GTF2F1: variants seen among roughly 807,000 people sequenced by gnomAD.
The protein encoded by GTF2F1 is general transcription factor IIF 74 kDa subunit.
In GTF2F1, 39 loss-of-function variants were observed where a neutral mutation model predicts 63.5. The ratio of observed to expected loss-of-function variants is 0.61; its 90% CI spans 0.48 to 0.80. The LOEUF (loss-of-function observed/expected upper bound fraction) is 0.80, where lower values mean the gene tolerates loss of function less well. GTF2F1 is among the 30% of genes least tolerant of loss of function. GTF2F1 has a pLI of 0.00. For missense variants in GTF2F1, 657 were observed against 718.3 expected, an observed-to-expected ratio of 0.91 and a Z score of 0.97; for synonymous variants, 287 against 285.3, an observed-to-expected ratio of 1.01 and a Z score of -0.06.
chr19:6,387,421 G>C lies in GTF2F1; in HGVS notation c.465C>G (p.Leu155=), dbSNP rs1323559825. The C allele has an allele frequency of 6.2e-7, 1 of 1,614,240 alleles. No individual in the cohort carries two copies. Among genetic ancestry groups the C allele is most frequent in the Non-Finnish European group, 8.5e-7 (1 of 1,180,032 alleles). The part of the protein sequence containing the change: ...NFTPLARHRT[L]TAEEAEEEWE... Reference sequence around the variant, plus strand: ...ACTCCTCCTCGGCCTCCTCGGCAGTGAGCGTGCGATGCCGGGCCAGCGGTG... The same window carrying C: ...ACTCCTCCTCGGCCTCCTCGGCAGTCAGCGTGCGATGCCGGGCCAGCGGTG... The change falls in exon 5 of 13, where the codon CTC becomes CTG. Residue 155 remains leucine (L), a synonymous_variant. Coordinates refer to ENST00000394456, the MANE Select transcript of GTF2F1 (RefSeq NM_002096.3).
chr19:6,385,584 C>G (rs775131670), intron 5 of GTF2F1, among the ~76,000 whole-genome samples: 85 of 152,142 alleles, frequency 5.6e-4, no homozygotes, highest in Non-Finnish European at 9.6e-4. Flanking sequence ...CAGTGGAGCC[C>G]CAGGAACTCA....
At chr19:6,392,052 C>G in intron 2 of GTF2F1, 78 bp from the exon 3 acceptor site, 1 of 763,374 alleles carries the variant, frequency 1.3e-6, no homozygotes, top group Non-Finnish European at 2.3e-6. Flanking sequence ...TGCTATTGAA[C>G]CATTAATTCA....
chr19:6,383,427 T>C lies in GTF2F1; in HGVS notation c.566A>G (p.Glu189Gly), dbSNP rs751837295. 1.9e-6 allele frequency: 3 copies of C among 1,614,112 alleles called. No individual in the cohort carries two copies. In the East Asian group the frequency reaches 6.7e-5, roughly 36 times the overall value. The change falls in exon 6 of 13, where the codon GAG (glutamate) becomes GGG (glycine). Residue 189 changes from glutamate (E) to glycine (G), a missense_variant. By Grantham distance (98) the Glu-to-Gly change is moderately conservative (BLOSUM62 -2). Transcript: ENST00000394456. The surrounding 1 kb of genome is among the most constrained non-coding windows in gnomAD (Gnocchi z 4.5). ...QRRLKDQDQD[E>G]DEEEKEKRGR... ...ACGTTTCTCCTTCTCCTCCTCATCC[T>C]CGTCCTGGTCCTGATCCTTGAGCCG...
intron 4 of GTF2F1, among the ~76,000 whole-genome samples, chr19:6,388,763 C>T (rs763543352): frequency 2.0e-5 from 3 of 152,128 alleles, no homozygotes; most frequent in Admixed American, 6.6e-5. Context: ...GCTTGAGCAA[C>T]GCAGCAAGAC....
At position 6,383,387 on chromosome 19, in the gene GTF2F1, C is replaced by T. The variant is rs374539891; in HGVS notation, c.606G>A (p.Ala202=). ...CCAGGTCGTGGATGCGCAGCTCGCT[C>T]GCCTTCCTGCGGCCACGTTTCTCCT... The part of the protein sequence containing the change: ...EEKEKRGRRK[A]SELRIHDLED... The change falls in exon 6 of 13, where the codon GCG becomes GCA. Residue 202 remains alanine, a synonymous_variant. Transcript: ENST00000394456. The surrounding 1 kb of genome is among the most constrained non-coding windows in gnomAD (Gnocchi z 4.5). 1.8e-5 allele frequency: 29 copies of T among 1,614,220 alleles called. No homozygotes were observed. Among genetic ancestry groups the T allele is most frequent in the African/African-American group, 5.3e-5 (4 of 75,084 alleles).
chr19:6,382,198 G>A (rs891864230), intron 6 of GTF2F1, among the ~76,000 whole-genome samples: 1 of 152,144 alleles, frequency 6.6e-6, no homozygotes, highest in Non-Finnish European at 1.5e-5. Context: ...CCCCCGTAAA[G>A]GCCACAGCCA....
rs569984589 is a variant in GTF2F1 at position 6,387,472 on chromosome 19, G to A, written c.414C>T (p.Phe138=). 1.7e-5 allele frequency: 28 copies of A among 1,614,186 alleles called. No homozygotes were observed. The African/African-American group carries it at 3.2e-4, about 18-fold the overall frequency. Residue 138 remains phenylalanine, a synonymous_variant, in exon 5 of 13, where the codon TTC becomes TTT. Transcript: ENST00000394456. The part of the protein sequence containing the change: ...TQCPDGAFEA[F]PVHNWYNFTP... The stretch of plus-strand genomic sequence containing the variant: ...TGAAATTGTACCAGTTGTGCACGGG[G>A]AAGGCCTCGAAGGCCCCGTCGGGGC...
At position 6,380,462 on chromosome 19, in the gene GTF2F1, G is replaced by A; in HGVS notation, c.1373C>T (p.Ala458Val). Reference protein sequence around the residue: ...NSGDVQVTEDAVRRYLTRKPM... With the variant: ...NSGDVQVTEDVVRRYLTRKPM... ...CTTCCGTGTCAGGTAGCGGCGCACG[G>A]CATCCTCAGTCACCTGCACGTCGCT... is the stretch of plus-strand genomic sequence containing the variant. Residue 458 changes from alanine to valine, a missense_variant, in exon 13 of 13, where the codon GCC (alanine) becomes GTC (valine). Ala to Val is a moderately conservative substitution (Grantham distance 64, BLOSUM62 0). Around this residue, in one of 2 missense-constraint regions of GTF2F1, gnomAD observed 55 missense variants for 92.6 expected, o/e 0.59. Coordinates refer to ENST00000394456, the MANE Select transcript of GTF2F1 (RefSeq NM_002096.3). This position sits in a 1 kb window ranked among gnomAD's most constrained non-coding sequence, Gnocchi z 5.3. 3 of 1,614,084 alleles carry A rather than the reference G, an allele frequency of 1.9e-6. No homozygotes were observed. Among genetic ancestry groups the A allele is most frequent in the Non-Finnish European group, 2.5e-6 (3 of 1,179,976 alleles).
intron 5 of GTF2F1, among the ~76,000 whole-genome samples, chr19:6,384,827 A>G (rs894042976): frequency 6.6e-6 from 1 of 151,872 alleles, no homozygotes; most frequent in Non-Finnish European, 1.5e-5. Context: ...TCTGTCACCG[A>G]GACTGGAGTG....
Position 6,381,216 on chromosome 19 carries a change from G to C in GTF2F1, c.1019-21C>G. The C allele has an allele frequency of 1.4e-5, 22 of 1,598,374 alleles. No individual in the cohort carries two copies. The highest frequency in any genetic ancestry group is 1.9e-5 in the Non-Finnish European group (22 of 1,173,196). On this transcript the variant is annotated intron_variant, in intron 9 of 12. Coordinates refer to ENST00000394456, the MANE Select transcript of GTF2F1 (RefSeq NM_002096.3). The surrounding 1 kb of genome is among the most constrained non-coding windows in gnomAD (Gnocchi z 4.1). The stretch of plus-strand genomic sequence containing the variant: ...GCTGTCTGCGGGGCACAGGAAAGGG[G>C]TCAGGGCCAGAGCAACCCCGGGACC...
At chr19:6,388,139 A>G (rs550685086) in intron 4 of GTF2F1, among the ~76,000 whole-genome samples, 26 of 134,654 alleles carry the variant, frequency 1.9e-4, no homozygotes, top group African/African-American at 6.2e-4. Flanking sequence ...CATGTTGGCC[A>G]GGCTAGTTTC....
Position 6,381,152 on chromosome 19 carries a change from G to A in GTF2F1, c.1062C>T (p.Asp354=). The stretch of plus-strand genomic sequence containing the variant: ...TGAAGAGGGCTGAGGAGGCCTCGCT[G>A]TCAATGTCGCTCTCCTCTGAGCTGT... ...ESDSSEESDI[D]SEASSALFMA... The change falls in exon 10 of 13, where the codon GAC becomes GAT. Residue 354 remains aspartate, a synonymous_variant. Coordinates refer to ENST00000394456, the MANE Select transcript of GTF2F1 (RefSeq NM_002096.3). The surrounding 1 kb of genome is among the most constrained non-coding windows in gnomAD (Gnocchi z 4.1). 6.2e-7 allele frequency: 1 copy of A among 1,611,916 alleles called. No homozygotes were observed. Among genetic ancestry groups the A allele is most frequent in the Non-Finnish European group, 8.5e-7 (1 of 1,179,336 alleles).
intron 4 of GTF2F1, among the ~76,000 whole-genome samples, chr19:6,388,645 G>A (rs913363668): frequency 1.3e-5 from 2 of 152,150 alleles, no homozygotes; most frequent in Non-Finnish European, 2.9e-5. Context: ...TCAGTGAACT[G>A]TCTTCAAAAA....
intron 4 of GTF2F1, among the ~76,000 whole-genome samples, 174 bp from the exon 5 acceptor site, chr19:6,387,733 G>C (rs528074108): frequency 1.3e-5 from 2 of 150,754 alleles, no homozygotes; most frequent in Admixed American, 6.6e-5. Flanking sequence ...CACATCTGGG[G>C]AACAGGGCCG....
intron 2 of GTF2F1, chr19:6,392,370 C>T (rs1268154337): frequency 6.3e-6 from 3 of 476,864 alleles, no homozygotes; most frequent in Admixed American, 4.6e-5. Context: ...TTATTGTGAA[C>T]TCAGCCTTGG....
chr19:6,384,079 G>C (rs1432303966), intron 5 of GTF2F1, among the ~76,000 whole-genome samples: 1 of 151,634 alleles, frequency 6.6e-6, no homozygotes, highest in East Asian at 1.9e-4. Flanking sequence ...GGGATTACAG[G>C]TGTGAGCCAC....
In GTF2F1 at chr19:6,389,501, TC is replaced by T; in HGVS notation, c.268del (p.Glu90SerfsTer29). On this transcript the variant is annotated frameshift_variant, in exon 4 of 13. Coordinates refer to ENST00000394456, the MANE Select transcript of GTF2F1 (RefSeq NM_002096.3). LOFTEE classifies it high-confidence loss of function. Reference sequence around the variant, plus strand: ...CCAGGGCTGGTCCTCGGGCCGGAACTCCTTGAGGACGATGCCGTACTTCTTC... The same window carrying T: ...CCAGGGCTGGTCCTCGGGCCGGAACTCTTGAGGACGATGCCGTACTTCTTC... ...RRKKYGIVLKEFRPEDQPWLL... is the reference protein window; with the variant it reads ...RRKKYGIVLKXFRPEDQPWLL... 6.2e-7 allele frequency: 1 copy of T among 1,614,210 alleles called. No homozygotes were observed. The highest frequency in any genetic ancestry group is 1.1e-5 in the South Asian group (1 of 91,092).
At chr19:6,387,255 C>G in intron 5 of GTF2F1, 134 bp downstream of exon 5, 1 of 794,722 alleles carries the variant, frequency 1.3e-6, no homozygotes, top group Non-Finnish European at 2.0e-6. Flanking sequence ...ACTGACAGCT[C>G]TGAGACGGCC....
chr19:6,381,183 T>C lies in GTF2F1; in HGVS notation c.1031A>G (p.Glu344Gly), dbSNP rs1474374379. The change falls in exon 10 of 13, where the codon GAG becomes GGG. Residue 344 changes from glutamate (E) to glycine (G), a missense_variant. This residue lies in a region of GTF2F1 where 602 missense variants were observed against 625.6 expected (regional missense o/e 0.96). Transcript: ENST00000394456. The surrounding 1 kb of genome is among the most constrained non-coding windows in gnomAD (Gnocchi z 4.1). ...EKKRRKDSSE[E>G]SDSSEESDID... Reference sequence around the variant, plus strand: ...GTCGCTCTCCTCTGAGCTGTCCGACTCCTCGCTGCTGTCTGCGGGGCACAG... The same window carrying C: ...GTCGCTCTCCTCTGAGCTGTCCGACCCCTCGCTGCTGTCTGCGGGGCACAG... 4.3e-6 allele frequency: 7 copies of C among 1,609,462 alleles called. No homozygotes were observed. In the African/African-American group the frequency reaches 9.4e-5, roughly 22 times the overall value.
Sources: gnomAD v4.1 joint callset for allele counts (sites outside exome capture counted in the v4.1 genomes callset) on GRCh38, gnomAD v4.1.1 for gene constraint, gnomAD v4.1.1 regional missense constraint, Gnocchi (gnomAD v3.1) non-coding constraint, MANE v1.5 for transcripts, NCBI Gene and HGNC (gene_info 2026-07-23, HGNC 2026-07-21) for gene names.